MYO16: variants seen among roughly 807,000 people sequenced by gnomAD.
MYO16 encodes myosin XVI.
In MYO16, 94 loss-of-function variants were observed where a neutral mutation model predicts 205.3. That is an observed-to-expected ratio of 0.46 (90% confidence interval 0.39 to 0.54). The LOEUF (loss-of-function observed/expected upper bound fraction) is 0.54, where lower values mean the gene tolerates loss of function less well. MYO16 is among the 20% of genes least tolerant of loss of function. The pLI is 0.00. For missense variants in MYO16, 2,315 were observed against 2,387.5 expected (o/e 0.97, Z 0.63); for synonymous variants, 988 against 954.0 (o/e 1.04, Z -0.66).
chr13:109,204,669 C>T (rs1880527977), intron 34 of MYO16, among the ~76,000 whole-genome samples: 1 of 152,212 alleles, frequency 6.6e-6, no homozygotes, highest in Non-Finnish European at 1.5e-5. Flanking sequence ...CCTTAGCCCA[C>T]TTTGAAAGAA....
At chr13:108,554,067 G>A in the MYO16 span, among the ~76,000 whole-genome samples, 1 of 152,190 alleles carries the variant, frequency 6.6e-6, no homozygotes, top group Non-Finnish European at 1.5e-5. Context: ...GCCATACATA[G>A]CACCTTGGGT....
At chr13:108,852,451 C>T (rs1440690343) in intron 10 of MYO16, among the ~76,000 whole-genome samples, 1 of 152,188 alleles carries the variant, frequency 6.6e-6, no homozygotes, top group Non-Finnish European at 1.5e-5. Context: ...AGAAAAACTA[C>T]ATGTCCTCTC....
At chr13:109,189,119 G>A (rs930578237) in intron 34 of MYO16, among the ~76,000 whole-genome samples, 6 of 151,814 alleles carry the variant, frequency 4.0e-5, no homozygotes, top group Non-Finnish European at 8.8e-5. Context: ...AAAAAAGAAG[G>A]ACACATCCAG....
At chr13:108,996,498 A>G (rs1240245937) in intron 21 of MYO16, among the ~76,000 whole-genome samples, 2 of 152,208 alleles carry the variant, frequency 1.3e-5, no homozygotes, top group Non-Finnish European at 2.9e-5. Flanking sequence ...ATTATGTGTG[A>G]TAAAGATACT....
chr13:108,869,525 C>T (rs991828886), intron 12 of MYO16, among the ~76,000 whole-genome samples: 6 of 150,580 alleles, frequency 4.0e-5, no homozygotes, highest in African/African-American at 4.9e-5. Context: ...GAGATCGAGA[C>T]CATCCTGGCT....
intron 2 of MYO16, among the ~76,000 whole-genome samples, chr13:108,688,291 T>C (rs964272931): frequency 2.0e-5 from 3 of 152,086 alleles, no homozygotes; most frequent in Admixed American, 6.5e-5. Flanking sequence ...CAGGATGCCC[T>C]AGGAGGTCAT....
chr13:109,024,850 G>A (rs921878538), intron 23 of MYO16, among the ~76,000 whole-genome samples: 1 of 152,098 alleles, frequency 6.6e-6, no homozygotes, highest in Non-Finnish European at 1.5e-5. Flanking sequence ...CAAGCCATAT[G>A]CCATTTGAAT....
At chr13:108,879,731 T>C (rs1425701353) in intron 12 of MYO16, among the ~76,000 whole-genome samples, 3 of 152,214 alleles carry the variant, frequency 2.0e-5, no homozygotes, top group East Asian at 3.8e-4. Flanking sequence ...ATGGTGTGTA[T>C]GTGCCACATT....
chr13:108,728,854 C>T (rs774351576), intron 4 of MYO16, among the ~76,000 whole-genome samples: 6 of 152,106 alleles, frequency 3.9e-5, no homozygotes, highest in African/African-American at 7.2e-5. Flanking sequence ...TGCCCCTCTT[C>T]CCCCCCTCTT....
Position 109,046,943 on chromosome 13 carries a change from G to GA in MYO16, c.2831dup (p.Asn944LysfsTer2), listed in dbSNP as rs1194854692. Reference sequence around the variant, plus strand: ...AATGTATGATGTTGTTGGGGCGATTGAAAAAAATAAAGACTCCCTTTCACA... The same window carrying GA: ...AATGTATGATGTTGTTGGGGCGATTGAAAAAAAATAAAGACTCCCTTTCACA... On this transcript the variant is annotated frameshift_variant, in exon 24 of 35. Transcript: ENST00000457511. LOFTEE classifies it high-confidence loss of function. 1.2e-6 allele frequency: 2 copies of GA among 1,611,384 alleles called. No homozygotes were observed. Among genetic ancestry groups the GA allele is most frequent in the South Asian group, 1.1e-5 (1 of 90,992 alleles).
intron 27 of MYO16, among the ~76,000 whole-genome samples, chr13:109,077,151 C>T (rs1888136065): frequency 6.6e-6 from 1 of 152,106 alleles, no homozygotes; most frequent in South Asian, 2.1e-4. Context: ...TCCCAACTAG[C>T]TGAGACTACA....
chr13:108,981,643 A>G (rs1267154851), intron 20 of MYO16, among the ~76,000 whole-genome samples: 2 of 152,256 alleles, frequency 1.3e-5, no homozygotes, highest in Non-Finnish European at 2.9e-5. Context: ...CAGCTGGCCA[A>G]TTGCGGGGCC....
chr13:108,961,694 A>C (rs2139367175), intron 18 of MYO16, 38 bp downstream of exon 18: 1 of 1,516,378 alleles, frequency 6.6e-7, no homozygotes, highest in East Asian at 2.3e-5. Context: ...AACCACATTG[A>C]TGTGCAATTT....
In MYO16 at chr13:108,709,482, G is replaced by A. The variant is rs868849389; in HGVS notation, c.293-3179G>A. Among the ~76,000 whole-genome samples, 4 of 81,444 alleles carry A rather than the reference G, an allele frequency of 4.9e-5. 2 individuals are homozygous for A. Among genetic ancestry groups the A allele is most frequent in the East Asian group, 6.9e-4 (2 of 2,912 alleles). The allele number at this position is 81,444 out of a possible 152,430, so 53.4% of individuals were successfully genotyped here. On this transcript the variant is annotated intron_variant, in intron 2 of 34. Coordinates refer to ENST00000457511, the MANE Select transcript of MYO16 (RefSeq NM_001198950.3). ...CTTCAGGGAACCACGTAATGTAACAGAGCCTCAGCTTCCTTATTAGTAAAA... is the reference window on the plus strand; with the variant it reads ...CTTCAGGGAACCACGTAATGTAACAAAGCCTCAGCTTCCTTATTAGTAAAA...
At chr13:109,003,488 G>A (rs1403766717) in intron 21 of MYO16, among the ~76,000 whole-genome samples, 1 of 152,168 alleles carries the variant, frequency 6.6e-6, no homozygotes, top group Non-Finnish European at 1.5e-5. Context: ...GACCAAGAGA[G>A]GAATAAATTG....
chr13:108,665,268 T>C lies in MYO16; in HGVS notation c.29-618T>C, dbSNP rs1221794809. Among the ~76,000 whole-genome samples the C allele has an allele frequency of 3.3e-5, 5 of 152,020 alleles. 1 individual carries two copies. The highest frequency in any genetic ancestry group is 6.8e-3 in the Middle Eastern group (2 of 294). On this transcript the variant is annotated intron_variant, in intron 1 of 34. Transcript: ENST00000457511. ...CTAGCTATCTTAAAAGTTTATTTAT[T>C]ATTTATTTATTTATTTATTTTTGGA...
intron 4 of MYO16, among the ~76,000 whole-genome samples, chr13:108,742,456 A>G (rs1436761776): frequency 6.6e-6 from 1 of 152,152 alleles, no homozygotes; most frequent in African/African-American, 2.4e-5. Flanking sequence ...TTTGTCCACT[A>G]AGAATTTTTT....
chr13:108,854,635 T>C (rs1878071931), intron 10 of MYO16, among the ~76,000 whole-genome samples: 1 of 152,132 alleles, frequency 6.6e-6, no homozygotes, highest in South Asian at 2.1e-4. Flanking sequence ...ATAAGAATAT[T>C]CTTATTCTTT....
chr13:108,741,470 C>T (rs1353808858), intron 4 of MYO16, among the ~76,000 whole-genome samples: 1 of 152,100 alleles, frequency 6.6e-6, no homozygotes, highest in Non-Finnish European at 1.5e-5. Flanking sequence ...AAAAATGGCA[C>T]TACAAAGACC....
Sources: allele counts gnomAD v4.1 joint callset (sites outside exome capture counted in the v4.1 genomes callset), GRCh38; gene constraint gnomAD v4.1.1; transcripts MANE v1.5; gene names NCBI Gene and HGNC (gene_info 2026-07-23, HGNC 2026-07-21).